SOS1: variants seen among roughly 807,000 people sequenced by gnomAD.
The protein encoded by SOS1 is son of sevenless homolog 1.
A neutral mutation model predicts 157.6 loss-of-function variants in SOS1; 25 were observed. That is an observed-to-expected ratio of 0.16 (90% CI 0.12 to 0.22). SOS1 has a LOEUF of 0.22. Among genes scored for constraint, SOS1 ranks in the 10% least tolerant of loss-of-function variants. SOS1 has a pLI of 1.00. For missense variants in SOS1, 1,237 were observed against 1,599.1 expected, an observed-to-expected ratio of 0.77 and a Z score of 3.86; for synonymous variants, 528 against 534.0, an observed-to-expected ratio of 0.99 and a Z score of 0.16.
chr2:39,065,012 C>A (rs1239374289), intron 2 of SOS1, among the ~76,000 whole-genome samples: 1 of 151,774 alleles, frequency 6.6e-6, no homozygotes, highest in Non-Finnish European at 1.5e-5. Flanking sequence ...CCTGCTTTGG[C>A]CTTCCAAAGT....
At position 39,013,972 on chromosome 2, in the gene SOS1, G is replaced by C; in HGVS notation, c.1958C>G (p.Pro653Arg). 1 of 1,604,922 alleles carries C rather than the reference G, an allele frequency of 6.2e-7. No homozygotes were observed. Among genetic ancestry groups the C allele is most frequent in the Non-Finnish European group, 8.5e-7 (1 of 1,172,758 alleles). Residue 653 changes from proline (P) to arginine (R), a missense_variant, in exon 12 of 23, where the codon CCT becomes CGT. Pro to Arg is a moderately radical substitution (Grantham distance 103, BLOSUM62 -2). Around this residue, in one of 15 missense-constraint regions of SOS1, gnomAD observed 55 missense variants for 43.1 expected, o/e 1.27. Coordinates refer to ENST00000402219, the MANE Select transcript of SOS1 (RefSeq NM_005633.4). ...LIIERFEIPE[P>R]EPTEADRIAI... ...TATGCGATCAGCTTCTGTTGGCTCA[G>C]GCTCTGGAATTTCAAACCTAACATA...
chr2:39,120,344 G>C lies in SOS1; in HGVS notation c.79C>G (p.Leu27Val). The change falls in exon 1 of 23, where the codon CTG becomes GTG. Residue 27 changes from leucine (L) to valine (V), a missense_variant. Leu to Val is a conservative substitution (Grantham distance 32). Transcript: ENST00000402219. ...TCCCGCGTGCTCCTCACCTTTTTCAGCGCAGGCACCAGTAGTCCCCGCCAC... is the reference window on the plus strand; with the variant it reads ...TCCCGCGTGCTCCTCACCTTTTTCACCGCAGGCACCAGTAGTCCCCGCCAC... Reference protein sequence around the residue: ...PKWRGLLVPALKKVQGQVHPT... With the variant: ...PKWRGLLVPAVKKVQGQVHPT... 1 of 1,586,796 alleles carries C rather than the reference G, an allele frequency of 6.3e-7. No homozygotes were observed. Among genetic ancestry groups the C allele is most frequent in the Non-Finnish European group, 8.6e-7 (1 of 1,167,400 alleles).
At chr2:39,047,957 C>T (rs1411577100) in intron 6 of SOS1, among the ~76,000 whole-genome samples, 2 of 152,168 alleles carry the variant, frequency 1.3e-5, no homozygotes, top group East Asian at 3.9e-4. Context: ...CATGAGCTAC[C>T]GTGCCCAGCC....
rs952307464 is a variant in SOS1 at position 39,056,755 on chromosome 2, G to A, written c.457C>T (p.Arg153Trp). The A allele has an allele frequency of 1.2e-6, 2 of 1,600,198 alleles. No individual in the cohort carries two copies. Among genetic ancestry groups the A allele is most frequent in the Non-Finnish European group, 8.6e-7 (1 of 1,167,618 alleles). Residue 153 changes from arginine (R) to tryptophan (W), a missense_variant, in exon 4 of 23, where the codon CGG becomes TGG. This residue lies in a region of SOS1 where 17 missense variants were observed against 52.7 expected (regional missense o/e 0.32). Transcript: ENST00000402219. Reference protein sequence around the residue: ...KLVGNYVRNIRHYEITKQDIK... With the variant: ...KLVGNYVRNIWHYEITKQDIK... Reference sequence around the variant, plus strand: ...TCTTGTTTTGTAATTTCATAATGCCGTATATTTCTTACATAATTCCCAACC... The same window carrying A: ...TCTTGTTTTGTAATTTCATAATGCCATATATTTCTTACATAATTCCCAACC...
chr2:39,073,072 T>A (rs1287699548), intron 1 of SOS1, among the ~76,000 whole-genome samples: 1 of 152,144 alleles, frequency 6.6e-6, no homozygotes, highest in African/African-American at 2.4e-5. Context: ...TTCTATTCCA[T>A]GAGATAGTGT....
At chr2:39,026,349 C>T (rs554247816) in intron 8 of SOS1, among the ~76,000 whole-genome samples, 5 of 75,488 alleles carry the variant, frequency 6.6e-5, no homozygotes, top group South Asian at 4.6e-4. Context: ...AGTGAGACTC[C>T]GTCTCAAAAA....
At chr2:38,992,482 C>A (rs563735888) in intron 20 of SOS1, 3 of 152,322 alleles carry the variant, frequency 2.0e-5, no homozygotes, top group African/African-American at 7.2e-5. Flanking sequence ...ATACTGTTAA[C>A]TTAATGCTAT....
chr2:39,104,468 G>A (rs921188101), intron 1 of SOS1, among the ~76,000 whole-genome samples: 6 of 152,154 alleles, frequency 3.9e-5, no homozygotes, highest in African/African-American at 1.2e-4. Context: ...GCAAGTGTGG[G>A]CAAGGAGGTA....
At chr2:39,099,313 GA>G (rs1672883688) in intron 1 of SOS1, among the ~76,000 whole-genome samples, 1 of 152,138 alleles carries the variant, frequency 6.6e-6, no homozygotes, top group Non-Finnish European at 1.5e-5. Flanking sequence ...GATGAACCTT[GA>G]AAACATTTTG....
intron 1 of SOS1, among the ~76,000 whole-genome samples, chr2:39,104,182 C>T (rs190832336): frequency 1.4e-3 from 212 of 152,002 alleles, no homozygotes; most frequent in Admixed American, 3.1e-3. Context: ...CTCATGGGGC[C>T]GAGGCAGGAG....
rs760654497 is a variant in SOS1, at chr2:39,024,155, C to G, written c.1075-18G>C. 1 of 1,598,552 alleles carries G rather than the reference C, an allele frequency of 6.3e-7. No individual in the cohort carries two copies. The highest frequency in any genetic ancestry group is 8.6e-7 in the Non-Finnish European group (1 of 1,166,484). On this transcript the variant is annotated intron_variant, in intron 8 of 22. Transcript: ENST00000402219. ...TCTAACTGCTGTAAAGCCAAAATGACAAATCTGAACCAGTAGTACATTTTT... is the reference window on the plus strand; with the variant it reads ...TCTAACTGCTGTAAAGCCAAAATGAGAAATCTGAACCAGTAGTACATTTTT...
intron 1 of SOS1, among the ~76,000 whole-genome samples, chr2:39,069,924 T>C (rs1006305050): frequency 2.6e-5 from 4 of 152,202 alleles, no homozygotes; most frequent in African/African-American, 7.2e-5. Context: ...CCAAGAACTT[T>C]TGATCATATT....
At chr2:39,089,530 C>CAAAAA (rs56688960) in intron 1 of SOS1, among the ~76,000 whole-genome samples, 12 of 117,880 alleles carry the variant, frequency 1.0e-4, no homozygotes, top group East Asian at 2.4e-4. Context: ...ACTCTGTCTC[C>CAAAAA]AAAAAAAAAA....
chr2:39,063,127 ATTT>A (rs535635621), intron 2 of SOS1, among the ~76,000 whole-genome samples: 19 of 148,584 alleles, frequency 1.3e-4, no homozygotes, highest in African/African-American at 3.9e-4. Flanking sequence ...ATAGAATTCA[ATTT>A]TTTTTTTTAA....
chr2:39,018,157 C>G (rs1669685354), intron 10 of SOS1, among the ~76,000 whole-genome samples: 1 of 151,682 alleles, frequency 6.6e-6, no homozygotes, highest in Non-Finnish European at 1.5e-5. Context: ...ATAACATAAG[C>G]AAAAACATAT....
upstream of SOS1, among the ~76,000 whole-genome samples, chr2:39,121,774 G>A (rs1174232202): frequency 6.6e-6 from 1 of 152,202 alleles, no homozygotes; most frequent in Non-Finnish European, 1.5e-5. Flanking sequence ...TCTACACAGT[G>A]TAGAACAGGC....
chr2:39,019,071 T>C (rs1669714662), intron 10 of SOS1, among the ~76,000 whole-genome samples: 1 of 151,802 alleles, frequency 6.6e-6, no homozygotes, highest in African/African-American at 2.4e-5. Flanking sequence ...CTTTTCCCTA[T>C]GAAGGTATAA....
At chr2:39,082,924 G>A (rs1371764420) in intron 1 of SOS1, among the ~76,000 whole-genome samples, 2 of 152,188 alleles carry the variant, frequency 1.3e-5, no homozygotes, top group African/African-American at 2.4e-5. Flanking sequence ...AAGAGGAAAT[G>A]TTATATGTGG....
At chr2:39,055,822 T>C (rs1333054649) in intron 4 of SOS1, among the ~76,000 whole-genome samples, 1 of 152,208 alleles carries the variant, frequency 6.6e-6, no homozygotes, top group Non-Finnish European at 1.5e-5. Flanking sequence ...AGTTCAAGTC[T>C]AGGCTTTGAA....
Sources: allele counts gnomAD v4.1 joint callset (sites outside exome capture counted in the v4.1 genomes callset), GRCh38; gene constraint gnomAD v4.1.1; regional missense constraint gnomAD v4.1.1; transcripts MANE v1.5; gene names NCBI Gene and HGNC (gene_info 2026-07-23, HGNC 2026-07-21).